DCTN6: variants seen among roughly 807,000 people sequenced by gnomAD.
The protein encoded by DCTN6 is dynactin 6.
DCTN6 carries 15 observed loss-of-function variants against 25.8 expected under a neutral mutation model. The ratio of observed to expected loss-of-function variants is 0.58; its 90% CI spans 0.39 to 0.89. DCTN6 has a LOEUF of 0.89. Among genes scored for constraint, DCTN6 ranks in the 40% least tolerant of loss-of-function variants. The pLI is 0.00. For synonymous variants in DCTN6, 64 were observed against 78.3 expected (o/e 0.82, Z 0.96); for missense variants, 198 against 237.6 (o/e 0.83, Z 1.09).
At chr8:30,176,931 T>C (rs761899791) in intron 3 of DCTN6, 195 bp from the exon 4 acceptor site, 4 of 444,090 alleles carry the variant, frequency 9.0e-6, no homozygotes, top group Non-Finnish European at 1.6e-5. Context: ...TCCAAGATGG[T>C]GCCACTGTAC....
intron 2 of DCTN6, among the ~76,000 whole-genome samples, chr8:30,166,968 G>A (rs949047525): frequency 1.3e-4 from 20 of 150,960 alleles, no homozygotes; most frequent in Middle Eastern, 3.4e-3. Flanking sequence ...AGGGAGGAAG[G>A]GAAGAAAGGA....
intron 2 of DCTN6, among the ~76,000 whole-genome samples, chr8:30,173,740 A>AC (rs1563230558): frequency 6.8e-6 from 1 of 146,904 alleles, no homozygotes; most frequent in Non-Finnish European, 1.5e-5. Context: ...TTAAAAAAAA[A>AC]AAAAAAAAAA....
At chr8:30,174,141 G>A (rs950342032) in intron 2 of DCTN6, among the ~76,000 whole-genome samples, 3 of 152,208 alleles carry the variant, frequency 2.0e-5, no homozygotes, top group South Asian at 4.1e-4. Context: ...TCGGACTCCA[G>A]TGATCACCTT....
chr8:30,175,074 AT>A lies in DCTN6; in HGVS notation c.89-6del, dbSNP rs745475656. The A allele has an allele frequency of 6.2e-6, 10 of 1,613,098 alleles. No individual in the cohort carries two copies. The Admixed American group carries it at 1.3e-4, about 22-fold the overall frequency. The stretch of plus-strand genomic sequence containing the variant: ...TCCACCAATAATTTCTTCTCAAACT[AT>A]TTTTAACAGGACCTCGGACAGTGAT... On this transcript the variant is annotated splice_polypyrimidine_tract_variant and intron_variant, in intron 2 of 6. Transcript: ENST00000221114.
chr8:30,156,842 C>A (rs1267114848), intron 1 of DCTN6, among the ~76,000 whole-genome samples: 1 of 152,188 alleles, frequency 6.6e-6, no homozygotes, highest in Non-Finnish European at 1.5e-5. Context: ...CCAGTGCTGG[C>A]CGCACCCCAG....
chr8:30,180,381 T>C, intron 5 of DCTN6, 107 bp from the exon 6 acceptor site: 1 of 1,428,472 alleles, frequency 7.0e-7, no homozygotes, highest in Non-Finnish European at 9.4e-7. Flanking sequence ...TCTTTAACTT[T>C]TTTCTTGAGG....
intron 1 of DCTN6, among the ~76,000 whole-genome samples, chr8:30,160,858 G>A (rs1031076942): frequency 6.6e-6 from 1 of 152,156 alleles, no homozygotes; most frequent in Admixed American, 6.5e-5. Context: ...GCACTTTGTG[G>A]TCCATGGGGC....
At chr8:30,177,289 G>A in intron 4 of DCTN6, 75 bp downstream of exon 4, 3 of 1,234,564 alleles carry the variant, frequency 2.4e-6, no homozygotes, top group East Asian at 2.4e-5. Flanking sequence ...TGTAGAAATT[G>A]TAAATAATTC....
At chr8:30,170,350 T>A (rs1295645901) in intron 2 of DCTN6, among the ~76,000 whole-genome samples, 1 of 152,114 alleles carries the variant, frequency 6.6e-6, no homozygotes, top group Non-Finnish European at 1.5e-5. Context: ...GCTGATCATT[T>A]CTCAAACTTT....
In DCTN6 at chr8:30,174,179, C is replaced by T. The variant is rs375309193; in HGVS notation, c.89-906C>T. Among the ~76,000 whole-genome samples the T allele has an allele frequency of 7.2e-5, 11 of 152,298 alleles. No homozygotes were observed. The East Asian group carries it at 1.7e-3, about 24-fold the overall frequency. ...GGTCCTTCTGCTGCCTCCCTTTAAC[C>T]TTTTCAGCTTTCACTGGTTTAAATC... On this transcript the variant is annotated intron_variant, in intron 2 of 6. Coordinates refer to ENST00000221114, the MANE Select transcript of DCTN6 (RefSeq NM_006571.4).
intron 2 of DCTN6, 77 bp from the exon 3 acceptor site, chr8:30,175,008 C>T (rs1228460538): frequency 1.5e-6 from 2 of 1,371,554 alleles, no homozygotes; most frequent in Non-Finnish European, 2.0e-6. Flanking sequence ...CAGCCTCACC[C>T]ATCCTCAGTC....
chr8:30,162,792 T>C (rs1315269466), intron 1 of DCTN6, among the ~76,000 whole-genome samples: 1 of 152,186 alleles, frequency 6.6e-6, no homozygotes, highest in Non-Finnish European at 1.5e-5. Flanking sequence ...TATATGTGTA[T>C]GTATATATAT....
chr8:30,175,006 C>T, intron 2 of DCTN6, 79 bp from the exon 3 acceptor site: 1 of 1,355,912 alleles, frequency 7.4e-7, no homozygotes. Flanking sequence ...AACAGCCTCA[C>T]CCATCCTCAG....
chr8:30,180,623 G>T lies in DCTN6; in HGVS notation c.467G>T (p.Arg156Leu), dbSNP rs368492550. ...ADCLRRVQTERPQPQTLQLDF... is the reference protein window; with the variant it reads ...ADCLRRVQTELPQPQTLQLDF... Reference sequence around the variant, plus strand: ...TGCCTTCGTCGGGTGCAGACTGAGCGACCGCAGGTACTAGAACCTCTCTTT... The same window carrying T: ...TGCCTTCGTCGGGTGCAGACTGAGCTACCGCAGGTACTAGAACCTCTCTTT... Residue 156 changes from arginine (R) to leucine (L), a missense_variant, in exon 6 of 7, where the codon CGA (arginine) becomes CTA (leucine). By Grantham distance (102) the Arg-to-Leu change is moderately radical. Transcript: ENST00000221114. 1 of 1,613,826 alleles carries T rather than the reference G, an allele frequency of 6.2e-7. No homozygotes were observed. Among genetic ancestry groups the T allele is most frequent in the African/African-American group, 1.3e-5 (1 of 74,916 alleles).
intron 2 of DCTN6, among the ~76,000 whole-genome samples, chr8:30,166,527 C>A (rs1258936744): frequency 6.6e-6 from 1 of 151,866 alleles, no homozygotes; most frequent in Non-Finnish European, 1.5e-5. Context: ...CATCTGCAGG[C>A]ATAAATATAC....
At chr8:30,172,412 AC>A (rs1803775430) in intron 2 of DCTN6, among the ~76,000 whole-genome samples, 1 of 152,038 alleles carries the variant, frequency 6.6e-6, no homozygotes, top group Admixed American at 6.6e-5. Context: ...TTATTTTTAA[AC>A]TTTTTAATGA....
chr8:30,163,539 T>C (rs76251362), intron 1 of DCTN6, among the ~76,000 whole-genome samples: 1 of 152,316 alleles, frequency 6.6e-6, no homozygotes, highest in African/African-American at 2.4e-5. Flanking sequence ...GTTTTCAGCT[T>C]TTTGTTGTTT....
Position 30,156,476 on chromosome 8 carries a change from A to T in DCTN6, c.23+70A>T, listed in dbSNP as rs529484142. On this transcript the variant is annotated intron_variant, in intron 1 of 6. Transcript: ENST00000221114. ...GGGTGGAACCTGTTCCTGGTCGCCA[A>T]TGGTGGCGACTCAGAAGGTGTCTCA... The T allele has an allele frequency of 8.5e-6, 13 of 1,522,766 alleles. No individual in the cohort carries two copies. In the Admixed American group the frequency reaches 1.7e-4, roughly 20 times the overall value. 94.3% of individuals were successfully genotyped at this position (1,522,766 alleles called of 1,614,324 possible). A position where few individuals can be genotyped will look rare whatever the true frequency, so the allele number is the denominator to read the frequency against.
chr8:30,180,792 G>C (rs1585506926), intron 6 of DCTN6, 162 bp downstream of exon 6: 5 of 862,638 alleles, frequency 5.8e-6, no homozygotes, highest in Non-Finnish European at 8.6e-6. Flanking sequence ...AGCACTTTGG[G>C]AGGCCGAGGC....
Sources: gnomAD v4.1 joint callset for allele counts (sites outside exome capture counted in the v4.1 genomes callset) on GRCh38, gnomAD v4.1.1 for gene constraint, MANE v1.5 for transcripts, NCBI Gene and HGNC (gene_info 2026-07-23, HGNC 2026-07-21) for gene names.